Variants in RAP1A observed in about 807,000 individuals in gnomAD.
RAP1A encodes RAP1A, member of RAS oncogene family.
In RAP1A, 6 loss-of-function variants were observed where a neutral mutation model predicts 26.4. The observed-to-expected ratio is 0.23, with a 90% CI of 0.12 to 0.45. The LOEUF (loss-of-function observed/expected upper bound fraction) is 0.45. Among genes scored for constraint, RAP1A ranks in the 20% least tolerant of loss-of-function variants. RAP1A has a pLI of 0.99. For missense variants in RAP1A, 121 were observed against 217.2 expected (o/e 0.56, Z 2.78); for synonymous variants, 73 against 79.4 (o/e 0.92, Z 0.43).
At chr1:111,631,674 A>G (rs895786181) in intron 1 of RAP1A, among the ~76,000 whole-genome samples, 1 of 152,214 alleles carries the variant, frequency 6.6e-6, no homozygotes, top group African/African-American at 2.4e-5. Flanking sequence ...TGAATGAATG[A>G]GTAAATGACA....
intron 1 of RAP1A, among the ~76,000 whole-genome samples, chr1:111,653,819 G>T (rs113502156): frequency 5.9e-5 from 9 of 152,100 alleles, no homozygotes; most frequent in Admixed American, 5.9e-4. Flanking sequence ...AAGACTGTGG[G>T]CATGAATTAA....
At chr1:111,673,221 G>T (rs1661027800) in intron 1 of RAP1A, among the ~76,000 whole-genome samples, 1 of 152,186 alleles carries the variant, frequency 6.6e-6, no homozygotes, top group South Asian at 2.1e-4. Context: ...CCACCAGCAT[G>T]TTGTGGTGAG....
intron 1 of RAP1A, among the ~76,000 whole-genome samples, chr1:111,575,932 G>A (rs1571479223): frequency 6.6e-6 from 1 of 152,218 alleles, no homozygotes; most frequent in East Asian, 1.9e-4. Flanking sequence ...TCTGAGCAGG[G>A]CACTGAAAAA....
intron 1 of RAP1A, among the ~76,000 whole-genome samples, chr1:111,676,108 G>A (rs1661115092): frequency 6.6e-6 from 1 of 152,314 alleles, no homozygotes; most frequent in Admixed American, 6.5e-5. Flanking sequence ...TGTAATCTCA[G>A]CACTTTGGGA....
At chr1:111,661,451 G>T (rs962166647) in intron 1 of RAP1A, among the ~76,000 whole-genome samples, 13 of 152,152 alleles carry the variant, frequency 8.5e-5, no homozygotes, top group African/African-American at 2.9e-4. Flanking sequence ...CTGAAGTAAT[G>T]TATTTATATA....
At chr1:111,603,724 G>C (rs572969793) in intron 1 of RAP1A, among the ~76,000 whole-genome samples, 1 of 152,074 alleles carries the variant, frequency 6.6e-6, no homozygotes, top group Non-Finnish European at 1.5e-5. Context: ...AAAAAATGAC[G>C]AACATCTTTT....
At chr1:111,650,360 T>C (rs570703535) in intron 1 of RAP1A, 1 of 152,188 alleles carries the variant, frequency 6.6e-6, no homozygotes, top group African/African-American at 2.4e-5. Context: ...AATATAAAAT[T>C]CAAATTGTTG....
intron 2 of RAP1A, among the ~76,000 whole-genome samples, chr1:111,693,764 A>G (rs749604558): frequency 2.0e-5 from 3 of 152,160 alleles, no homozygotes; most frequent in Non-Finnish European, 4.4e-5. Context: ...TGAGAGAAGA[A>G]GAAGAGTACC....
chr1:111,578,318 G>A (rs1571480257), intron 1 of RAP1A, among the ~76,000 whole-genome samples: 1 of 152,024 alleles, frequency 6.6e-6, no homozygotes, highest in East Asian at 1.9e-4. Flanking sequence ...GAAGGTGGTA[G>A]AGCAATAGAT....
At chr1:111,699,384 A>G (rs1245211703) in intron 4 of RAP1A, among the ~76,000 whole-genome samples, 3 of 151,828 alleles carry the variant, frequency 2.0e-5, no homozygotes, top group South Asian at 2.1e-4. Flanking sequence ...ACCAATAAGT[A>G]TAATACCTCT....
intron 1 of RAP1A, among the ~76,000 whole-genome samples, chr1:111,673,018 C>T (rs1378288733): frequency 6.6e-6 from 1 of 152,170 alleles, no homozygotes; most frequent in Non-Finnish European, 1.5e-5. Context: ...TGGGTGTATC[C>T]TCCTTACCTC....
chr1:111,582,100 A>C (rs1288262876), intron 1 of RAP1A, among the ~76,000 whole-genome samples: 1 of 152,216 alleles, frequency 6.6e-6, no homozygotes, highest in Non-Finnish European at 1.5e-5. Context: ...GCAATAACCA[A>C]GTCAAGTGAC....
chr1:111,545,634 C>A (rs1350962591), intron 1 of RAP1A, among the ~76,000 whole-genome samples: 1 of 152,020 alleles, frequency 6.6e-6, no homozygotes, highest in Non-Finnish European at 1.5e-5. Flanking sequence ...TTGATGAAGT[C>A]CAACTTCTCT....
chr1:111,562,887 G>A (rs1657795288), intron 1 of RAP1A, among the ~76,000 whole-genome samples: 1 of 152,188 alleles, frequency 6.6e-6, no homozygotes, highest in Non-Finnish European at 1.5e-5. Context: ...TAGATGCTTA[G>A]CCTTGTGCTG....
At chr1:111,697,143 T>G (rs1661858233) in intron 3 of RAP1A, among the ~76,000 whole-genome samples, 1 of 152,168 alleles carries the variant, frequency 6.6e-6, no homozygotes, top group Non-Finnish European at 1.5e-5. Context: ...TTCGTTGAAG[T>G]TTTCCTTAAA....
intron 1 of RAP1A, among the ~76,000 whole-genome samples, chr1:111,645,206 A>G (rs539679626): frequency 6.6e-6 from 1 of 152,374 alleles, no homozygotes; most frequent in East Asian, 1.9e-4. Context: ...AGTACAGTCA[A>G]GTATGACTTA....
At chr1:111,597,117 C>G (rs911049572) in intron 1 of RAP1A, among the ~76,000 whole-genome samples, 6 of 152,168 alleles carry the variant, frequency 3.9e-5, no homozygotes, top group African/African-American at 1.4e-4. Context: ...TATATGTAGT[C>G]AGTTTCCACT....
At chr1:111,578,759 A>G (rs1658193437) in intron 1 of RAP1A, among the ~76,000 whole-genome samples, 1 of 152,180 alleles carries the variant, frequency 6.6e-6, no homozygotes, top group Non-Finnish European at 1.5e-5. Context: ...TGGATATAGC[A>G]TCAGATCCCA....
intron 1 of RAP1A, among the ~76,000 whole-genome samples, chr1:111,560,631 A>C (rs536603806): frequency 6.6e-6 from 1 of 151,790 alleles, no homozygotes; most frequent in Non-Finnish European, 1.5e-5. Flanking sequence ...TGGGACTACA[A>C]GCATGCCTCA....
Sources: allele counts gnomAD v4.1 joint callset (sites outside exome capture counted in the v4.1 genomes callset), GRCh38; gene constraint gnomAD v4.1.1; transcripts MANE v1.5; gene names NCBI Gene and HGNC (gene_info 2026-07-23, HGNC 2026-07-21).